Variants in PRDM10 observed in about 807,000 individuals in gnomAD.
PRDM10 encodes the protein PR/SET domain 10, also known as PR domain zinc finger protein 10.
A neutral mutation model predicts 133.1 loss-of-function variants in PRDM10; 65 were observed. The ratio of observed to expected loss-of-function variants is 0.49; its 90% CI spans 0.40 to 0.60. The LOEUF is 0.60. Ranked by LOEUF, PRDM10 falls within the 20% of genes least tolerant of loss-of-function variation. The pLI, the probability that PRDM10 is intolerant of heterozygous loss-of-function variation, is 0.00. For missense variants in PRDM10, 1,137 were observed against 1,507.1 expected, an observed-to-expected ratio of 0.75 and a Z score of 4.07; for synonymous variants, 582 against 580.4, an observed-to-expected ratio of 1.00 and a Z score of -0.04.
intron 1 of PRDM10, among the ~76,000 whole-genome samples, chr11:130,001,328 A>G (rs964034956): frequency 6.6e-6 from 1 of 152,234 alleles, no homozygotes; most frequent in African/African-American, 2.4e-5. Context: ...CTTGCCTTAC[A>G]GCGATGGAGG....
At chr11:129,905,789 C>T (rs750986674) in intron 19 of PRDM10, 48 bp from the exon 20 acceptor site, 23 of 1,525,930 alleles carry the variant, frequency 1.5e-5, no homozygotes, top group Non-Finnish European at 1.9e-5. Flanking sequence ...GATTTTAACA[C>T]AAGTCTTAGA....
chr11:129,944,651 G>C, intron 6 of PRDM10, 120 bp downstream of exon 6: 2 of 1,367,284 alleles, frequency 1.5e-6, no homozygotes, highest in Non-Finnish European at 2.0e-6. Flanking sequence ...AGTTAAGATA[G>C]AAAGAAGAAT....
chr11:129,965,047 T>A (rs1461323918), intron 1 of PRDM10, among the ~76,000 whole-genome samples: 1 of 152,224 alleles, frequency 6.6e-6, no homozygotes, highest in Non-Finnish European at 1.5e-5. Flanking sequence ...GGCTCACGCC[T>A]GTAATCCCAG....
chr11:129,947,543 C>T lies in PRDM10; in HGVS notation c.295-173G>A. On this transcript the variant is annotated intron_variant, in intron 4 of 20. Coordinates refer to ENST00000360871, the MANE Select transcript of PRDM10 (RefSeq NM_199437.2). This position sits in a 1 kb window ranked among gnomAD's most constrained non-coding sequence, Gnocchi z 4.6. ...TCTACCGGCTGTGAGGAAGAGCTGG[C>T]TTCATTTTTGATCTGACTGCTCACA... 1 of 1,470,458 alleles carries T rather than the reference C, an allele frequency of 6.8e-7. No individual in the cohort carries two copies. The highest frequency in any genetic ancestry group is 9.0e-7 in the Non-Finnish European group (1 of 1,115,354). 91.1% of individuals were successfully genotyped at this position (1,470,458 alleles called of 1,614,324 possible). A position where few individuals can be genotyped will look rare whatever the true frequency, so the allele number is the denominator to read the frequency against.
chr11:129,981,538 C>A (rs1476627931), intron 1 of PRDM10, among the ~76,000 whole-genome samples: 4 of 152,162 alleles, frequency 2.6e-5, no homozygotes, highest in African/African-American at 9.7e-5. Context: ...TTTTCAGACA[C>A]TGAAAGTCTC....
chr11:129,923,438 G>C lies in PRDM10; in HGVS notation c.1879-35C>G, dbSNP rs368748128. 3.2e-6 allele frequency: 5 copies of C among 1,580,256 alleles called. No homozygotes were observed. The African/African-American group carries it at 6.8e-5, about 21-fold the overall frequency. On this transcript the variant is annotated intron_variant, in intron 12 of 20. Coordinates refer to ENST00000360871, the MANE Select transcript of PRDM10 (RefSeq NM_199437.2). This position sits in a 1 kb window ranked among gnomAD's most constrained non-coding sequence, Gnocchi z 4.4. ...AGAACCACAGGAAAATTCAGGGGAC[G>C]CAGGCACCAAATGAAATGACCAAAG...
intron 4 of PRDM10, among the ~76,000 whole-genome samples, chr11:129,951,118 T>C (rs1052852397): frequency 3.9e-5 from 6 of 152,240 alleles, no homozygotes; most frequent in African/African-American, 1.4e-4. Flanking sequence ...TGTACACTTC[T>C]AGACAACACA....
At chr11:129,919,241 C>T (rs1002632398) in intron 13 of PRDM10, among the ~76,000 whole-genome samples, 29 of 152,050 alleles carry the variant, frequency 1.9e-4, no homozygotes, top group African/African-American at 6.5e-4. Flanking sequence ...TGTGGTGGCA[C>T]ACGTAATCCC....
rs1949795033 is a variant in PRDM10 at position 129,899,807 on chromosome 11, ATG to A, written c.*2504_*2505del. The A allele has an allele frequency of 6.6e-6, 1 of 152,662 alleles. No homozygotes were observed. Among genetic ancestry groups the A allele is most frequent in the South Asian group, 2.1e-4 (1 of 4,832 alleles). The allele number at this position is 152,662 out of a possible 1,614,324, so 9.5% of individuals were successfully genotyped here. On this transcript the variant is annotated 3_prime_UTR_variant, in exon 21 of 21. Transcript: ENST00000360871. Reference sequence around the variant, plus strand: ...GACTATTAACACTATAACTCACTGAATGTACAATAAATGTTCACATTTAAATA... The same window carrying A: ...GACTATTAACACTATAACTCACTGAATACAATAAATGTTCACATTTAAATA...
intron 1 of PRDM10, among the ~76,000 whole-genome samples, chr11:129,974,476 AAACAGTG>A (rs1937644775): frequency 6.6e-6 from 1 of 152,214 alleles, no homozygotes; most frequent in Admixed American, 6.5e-5. Context: ...GGAACTGGAT[AAACAGTG>A]AACAGAATAA....
chr11:129,932,364 T>C (rs1565474020), intron 9 of PRDM10, 133 bp from the exon 10 acceptor site: 2 of 1,147,076 alleles, frequency 1.7e-6, no homozygotes, highest in South Asian at 1.8e-5. Context: ...TTTTCTCCAA[T>C]AGAAACAACT....
intron 1 of PRDM10, among the ~76,000 whole-genome samples, chr11:129,978,259 T>C (rs1372556656): frequency 6.6e-6 from 1 of 152,116 alleles, no homozygotes; most frequent in Non-Finnish European, 1.5e-5. Flanking sequence ...ATGATGGAGC[T>C]CTGGAAGCTC....
In PRDM10 at chr11:129,947,037, C is replaced by T. The variant is rs749648598; in HGVS notation, c.520+108G>A. On this transcript the variant is annotated intron_variant, in intron 5 of 20. Coordinates refer to ENST00000360871, the MANE Select transcript of PRDM10 (RefSeq NM_199437.2). This position sits in a 1 kb window ranked among gnomAD's most constrained non-coding sequence, Gnocchi z 4.6. ...GCAGAGAATGTAGCACAGTTGGCTG[C>T]ACACGGAAGGACCTGACGCACGGGA... is the stretch of plus-strand genomic sequence containing the variant. 4.1e-6 allele frequency: 6 copies of T among 1,453,116 alleles called. No homozygotes were observed. Among genetic ancestry groups the T allele is most frequent in the African/African-American group, 1.4e-5 (1 of 71,496 alleles). The allele number at this position is 1,453,116 out of a possible 1,614,324, so 90.0% of individuals were successfully genotyped here. A position where few individuals can be genotyped will look rare whatever the true frequency, so the allele number is the denominator to read the frequency against.
intron 19 of PRDM10, among the ~76,000 whole-genome samples, chr11:129,909,020 A>T (rs1377046195): frequency 6.6e-6 from 1 of 151,652 alleles, no homozygotes; most frequent in East Asian, 2.0e-4. Flanking sequence ...ATGAGCCACC[A>T]CGCCTGGCCC....
In PRDM10 at chr11:129,946,199, G is replaced by A. The variant is rs563791502; in HGVS notation, c.520+946C>T. Among the ~76,000 whole-genome samples the A allele has an allele frequency of 3.9e-5, 6 of 151,974 alleles. No homozygotes were observed. The East Asian group carries it at 7.7e-4, about 20-fold the overall frequency. On this transcript the variant is annotated intron_variant, in intron 5 of 20. Coordinates refer to ENST00000360871, the MANE Select transcript of PRDM10 (RefSeq NM_199437.2). ...GGGAGGCAGAGGGCTGCAGTGAACC[G>A]AGCTTGAACCACTGCACTCCAGCTT...
intron 1 of PRDM10, among the ~76,000 whole-genome samples, chr11:129,967,307 C>T (rs1425044118): frequency 1.3e-5 from 2 of 152,110 alleles, no homozygotes; most frequent in Non-Finnish European, 2.9e-5. Flanking sequence ...AGGAGAACTG[C>T]TTGAACCAGA....
At chr11:129,965,905 C>T (rs1424561686) in intron 1 of PRDM10, among the ~76,000 whole-genome samples, 2 of 152,002 alleles carry the variant, frequency 1.3e-5, no homozygotes, top group Non-Finnish European at 1.5e-5. Flanking sequence ...TTAGTTGGGG[C>T]GTTAGTAAGC....
intron 13 of PRDM10, among the ~76,000 whole-genome samples, chr11:129,922,777 C>A (rs1950554656): frequency 6.6e-6 from 1 of 152,186 alleles, no homozygotes; most frequent in Non-Finnish European, 1.5e-5. Flanking sequence ...ATGTTTTAAT[C>A]TTTGAGGTCA....
intron 1 of PRDM10, among the ~76,000 whole-genome samples, chr11:129,984,025 A>G (rs1420798657): frequency 6.6e-6 from 1 of 152,138 alleles, no homozygotes; most frequent in Non-Finnish European, 1.5e-5. Context: ...CTGCCTTGGA[A>G]TGAACTTTGG....
Sources: gnomAD v4.1 joint callset for allele counts (sites outside exome capture counted in the v4.1 genomes callset) on GRCh38, gnomAD v4.1.1 for gene constraint, Gnocchi (gnomAD v3.1) non-coding constraint, MANE v1.5 for transcripts, NCBI Gene and HGNC (gene_info 2026-07-23, HGNC 2026-07-21) for gene names.